The following CSNK2A2 variants were observed in gnomAD, a reference collection of about 807,000 sequenced individuals.
CSNK2A2 encodes casein kinase II subunit alpha'.
In CSNK2A2, 8 loss-of-function variants were observed where a neutral mutation model predicts 54.0. That is an observed-to-expected ratio of 0.15 (90% CI 0.09 to 0.27). CSNK2A2 has a LOEUF of 0.27. CSNK2A2 is among the 10% of genes least tolerant of loss of function. The pLI is 1.00. For missense variants in CSNK2A2, 242 were observed against 439.4 expected, an observed-to-expected ratio of 0.55 and a Z score of 4.02; for synonymous variants, 141 against 153.9, an observed-to-expected ratio of 0.92 and a Z score of 0.62.
At chr16:58,167,863 C>T (rs1454956901) in intron 6 of CSNK2A2, 68 bp from the exon 7 acceptor site, 1 of 1,137,868 alleles carries the variant, frequency 8.8e-7, no homozygotes, top group African/African-American at 1.5e-5. Context: ...AGAACAAGGC[C>T]ACATCACATT....
At chr16:58,179,681 G>C (rs936319410) in intron 4 of CSNK2A2, among the ~76,000 whole-genome samples, 4 of 152,182 alleles carry the variant, frequency 2.6e-5, no homozygotes, top group African/African-American at 9.7e-5. Flanking sequence ...GTTGCAGTTT[G>C]CACTTCTAGT....
At chr16:58,171,979 A>ATATATATTTTTTTT (rs1261137669) in intron 5 of CSNK2A2, among the ~76,000 whole-genome samples, 6 of 66,186 alleles carry the variant, frequency 9.1e-5, no homozygotes, top group Non-Finnish European at 1.2e-4. Flanking sequence ...ATATATATAT[A>ATATATATTTTTTTT]TTTTTTTTTT....
At chr16:58,161,661 A>C (rs1035238006) in intron 11 of CSNK2A2, 3 of 152,256 alleles carry the variant, frequency 2.0e-5, no homozygotes, top group African/African-American at 7.2e-5. Flanking sequence ...CTAGGTTTGG[A>C]AACAAAAATG....
intron 5 of CSNK2A2, among the ~76,000 whole-genome samples, chr16:58,172,396 G>C (rs995572291): frequency 2.0e-5 from 3 of 152,164 alleles, no homozygotes; most frequent in Non-Finnish European, 4.4e-5. Flanking sequence ...CCTTGAATCT[G>C]AATCAGGAGA....
At chr16:58,185,431 C>T (rs574374824) in intron 3 of CSNK2A2, among the ~76,000 whole-genome samples, 8 of 152,282 alleles carry the variant, frequency 5.3e-5, no homozygotes, top group African/African-American at 1.7e-4. Flanking sequence ...ACTTGTCTTA[C>T]ATATCATGTA....
chr16:58,163,154 G>T (rs1035837331), intron 11 of CSNK2A2: 1 of 149,190 alleles, frequency 6.7e-6, no homozygotes, highest in Non-Finnish European at 1.5e-5. Context: ...TTTAGTTATG[G>T]TTGTGAACAA....
intron 2 of CSNK2A2, among the ~76,000 whole-genome samples, chr16:58,194,814 G>A (rs1162011759): frequency 6.6e-6 from 1 of 152,112 alleles, no homozygotes; most frequent in African/African-American, 2.4e-5. Context: ...AATCTTTAAA[G>A]TAGGGGGAAA....
intron 2 of CSNK2A2, among the ~76,000 whole-genome samples, chr16:58,190,920 T>G (rs1224266150): frequency 6.6e-6 from 1 of 152,224 alleles, no homozygotes; most frequent in African/African-American, 2.4e-5. Flanking sequence ...AGGAGATATT[T>G]GTACACTCAT....
chr16:58,196,905 C>A, intron 1 of CSNK2A2, 61 bp from the exon 2 acceptor site: 2 of 1,002,696 alleles, frequency 2.0e-6, no homozygotes, highest in Non-Finnish European at 3.2e-6. Flanking sequence ...CCTATGCCCA[C>A]TGTACACGTC....
At chr16:58,183,945 T>C (rs1439772414) in intron 4 of CSNK2A2, among the ~76,000 whole-genome samples, 1 of 152,180 alleles carries the variant, frequency 6.6e-6, no homozygotes, top group Non-Finnish European at 1.5e-5. Flanking sequence ...TAAGATTTCG[T>C]ACAAAAGGCA....
chr16:58,189,586 T>C (rs1405211556), intron 2 of CSNK2A2, among the ~76,000 whole-genome samples: 1 of 152,162 alleles, frequency 6.6e-6, no homozygotes, highest in South Asian at 2.1e-4. Context: ...TCCCTCTCAA[T>C]ACATCTAAAG....
Position 58,197,445 on chromosome 16 carries a change from G to A in CSNK2A2, c.104+188C>T, listed in dbSNP as rs941975179. On this transcript the variant is annotated intron_variant, in intron 1 of 11. Coordinates refer to ENST00000262506, the MANE Select transcript of CSNK2A2 (RefSeq NM_001896.4). This position sits in a 1 kb window ranked among gnomAD's most constrained non-coding sequence, Gnocchi z 4.0. ...AAGGGGTGCGCAAAGCGGGGAGAAA[G>A]GGACGAAACGGGGGTAAAGGGGAGG... Among the ~76,000 whole-genome samples, 4 of 152,200 alleles carry A rather than the reference G, an allele frequency of 2.6e-5. No individual in the cohort carries two copies. Among genetic ancestry groups the A allele is most frequent in the Non-Finnish European group, 4.4e-5 (3 of 68,042 alleles).
At chr16:58,174,585 C>T in intron 4 of CSNK2A2, 75 bp from the exon 5 acceptor site, 1 of 1,207,762 alleles carries the variant, frequency 8.3e-7, no homozygotes, top group South Asian at 1.3e-5. Context: ...AGGCCATTCT[C>T]TAAGCTTATT....
chr16:58,169,995 G>A (rs557282393), intron 5 of CSNK2A2, among the ~76,000 whole-genome samples: 8 of 152,064 alleles, frequency 5.3e-5, no homozygotes, highest in Admixed American at 2.0e-4. Flanking sequence ...GCAGTGAGCC[G>A]AGATGGCACC....
chr16:58,178,934 T>A (rs1961952765), intron 4 of CSNK2A2, among the ~76,000 whole-genome samples: 1 of 152,158 alleles, frequency 6.6e-6, no homozygotes, highest in South Asian at 2.1e-4. Flanking sequence ...CAATCAAATT[T>A]TTAAAAAATT....
chr16:58,197,470 G>A lies in CSNK2A2; in HGVS notation c.104+163C>T, dbSNP rs1962492676. ...GGGACGAAACGGGGGTAAAGGGGAG[G>A]GAAGAGGAAGACGAGGACATGTGCG... is the stretch of plus-strand genomic sequence containing the variant. On this transcript the variant is annotated intron_variant, in intron 1 of 11. Coordinates refer to ENST00000262506, the MANE Select transcript of CSNK2A2 (RefSeq NM_001896.4). The surrounding 1 kb of genome is among the most constrained non-coding windows in gnomAD (Gnocchi z 4.0). 6.6e-6 allele frequency among the ~76,000 whole-genome samples: 1 copy of A among 152,208 alleles called. No homozygotes were observed. The highest frequency in any genetic ancestry group is 1.5e-5 in the Non-Finnish European group (1 of 68,040).
chr16:58,186,906 A>C, intron 2 of CSNK2A2, 50 bp from the exon 3 acceptor site: 1 of 1,423,148 alleles, frequency 7.0e-7, no homozygotes, highest in Non-Finnish European at 9.9e-7. Flanking sequence ...GAAGTTAATA[A>C]ATAAAACTTT....
intron 4 of CSNK2A2, among the ~76,000 whole-genome samples, chr16:58,178,023 AC>A (rs1961925510): frequency 6.6e-6 from 1 of 152,242 alleles, no homozygotes; most frequent in Admixed American, 6.5e-5. Flanking sequence ...ATAATAACAT[AC>A]ACGACATAAT....
At chr16:58,176,353 C>A (rs564339641) in intron 4 of CSNK2A2, among the ~76,000 whole-genome samples, 1 of 152,226 alleles carries the variant, frequency 6.6e-6, no homozygotes, top group East Asian at 1.9e-4. Context: ...CTCTGGACTG[C>A]CAACACAGTA....
Sources: gnomAD v4.1 joint callset for allele counts (sites outside exome capture counted in the v4.1 genomes callset) on GRCh38, gnomAD v4.1.1 for gene constraint, Gnocchi (gnomAD v3.1) non-coding constraint, MANE v1.5 for transcripts, NCBI Gene and HGNC (gene_info 2026-07-23, HGNC 2026-07-21) for gene names.